NCALD: variants seen among roughly 807,000 people sequenced by gnomAD.
NCALD encodes neurocalcin delta.
A neutral mutation model predicts 18.6 loss-of-function variants in NCALD; 10 were observed. The ratio of observed to expected loss-of-function variants is 0.54; its 90% CI spans 0.33 to 0.91. The LOEUF is 0.91. Ranked by LOEUF, NCALD falls within the 40% of genes least tolerant of loss-of-function variation. The pLI is 0.03. For missense variants in NCALD, 184 were observed against 247.6 expected, an observed-to-expected ratio of 0.74 and a Z score of 1.72; for synonymous variants, 88 against 87.4, an observed-to-expected ratio of 1.01 and a Z score of -0.04.
intron 1 of NCALD, among the ~76,000 whole-genome samples, chr8:101,762,273 G>C (rs2130840665): frequency 6.6e-6 from 1 of 152,042 alleles, no homozygotes; most frequent in East Asian, 1.9e-4. Flanking sequence ...CAAAGATCTA[G>C]CTAATAAAAA....
At chr8:101,876,313 G>C (rs1157483953) in intron 4 of NCALD, among the ~76,000 whole-genome samples, 1 of 152,214 alleles carries the variant, frequency 6.6e-6, no homozygotes, top group East Asian at 1.9e-4. Context: ...TCAAAGTGCT[G>C]TCTTTTCATT....
intron 2 of NCALD, among the ~76,000 whole-genome samples, chr8:101,954,846 T>C (rs1819562081): frequency 1.3e-5 from 2 of 152,248 alleles, no homozygotes; most frequent in Admixed American, 6.5e-5. Flanking sequence ...AGAATCATAA[T>C]ATTTTCATGA....
intron 1 of NCALD, among the ~76,000 whole-genome samples, chr8:102,088,475 T>C (rs1028859961): frequency 1.3e-5 from 2 of 151,972 alleles, no homozygotes; most frequent in Admixed American, 1.3e-4. Context: ...GTCAGCTTAA[T>C]TAAAAGTGGG....
At chr8:101,901,206 A>G (rs920588494) in intron 3 of NCALD, among the ~76,000 whole-genome samples, 1 of 151,114 alleles carries the variant, frequency 6.6e-6, no homozygotes, top group Non-Finnish European at 1.5e-5. Context: ...ACATTTTTTC[A>G]TTCTGTAATT....
chr8:101,855,410 G>C (rs1815272977), intron 4 of NCALD, among the ~76,000 whole-genome samples: 1 of 152,124 alleles, frequency 6.6e-6, no homozygotes, highest in African/African-American at 2.4e-5. Context: ...AGAATGTTGA[G>C]TGCACATCTA....
At chr8:102,111,412 A>ATGTGTG (rs57126471) in intron 1 of NCALD, among the ~76,000 whole-genome samples, 31,845 of 147,550 alleles carry the variant, frequency 0.22, 3,562 homozygotes, top group East Asian at 0.3. Context: ...GTCTAAAGAG[A>ATGTGTG]TGTGTGTGTG....
At chr8:102,040,678 C>G (rs1021032848) in intron 1 of NCALD, among the ~76,000 whole-genome samples, 1 of 142,526 alleles carries the variant, frequency 7.0e-6, no homozygotes, top group African/African-American at 2.7e-5. Flanking sequence ...CTGGGATGAG[C>G]AGAACTATGG....
chr8:102,040,674 T>G (rs1444608960), intron 1 of NCALD, among the ~76,000 whole-genome samples: 4 of 146,340 alleles, frequency 2.7e-5, no homozygotes, highest in Non-Finnish European at 6.0e-5. Flanking sequence ...GATCCTGGGA[T>G]GAGCAGAACT....
chr8:101,809,766 A>C (rs576643782), intron 4 of NCALD, among the ~76,000 whole-genome samples: 1 of 152,212 alleles, frequency 6.6e-6, no homozygotes, highest in African/African-American at 2.4e-5. Flanking sequence ...ACTGGTCTTG[A>C]ACTCCTGATC....
chr8:101,991,474 G>T (rs1002650573), intron 2 of NCALD, among the ~76,000 whole-genome samples: 1 of 152,094 alleles, frequency 6.6e-6, no homozygotes, highest in African/African-American at 2.4e-5. Flanking sequence ...AATGAAATTT[G>T]GGGAGGAAGA....
intron 3 of NCALD, chr8:101,692,511 T>A: frequency 1.0e-6 from 1 of 985,470 alleles, no homozygotes; most frequent in African/African-American, 1.7e-5. Context: ...CAATGGTTTC[T>A]TGGTTCCTTT....
At chr8:101,879,421 A>G (rs369788646) in intron 4 of NCALD, among the ~76,000 whole-genome samples, 2 of 151,790 alleles carry the variant, frequency 1.3e-5, no homozygotes, top group African/African-American at 4.8e-5. Flanking sequence ...CATTTCTCCC[A>G]GTGGCTTCGT....
chr8:101,948,869 T>C (rs577960927), intron 2 of NCALD, among the ~76,000 whole-genome samples: 135 of 152,264 alleles, frequency 8.9e-4, no homozygotes, highest in Middle Eastern at 3.4e-3. Context: ...GTTTCCCTCA[T>C]TTTAAAATGG....
At chr8:101,834,963 T>C (rs983521064) in intron 4 of NCALD, among the ~76,000 whole-genome samples, 1 of 152,236 alleles carries the variant, frequency 6.6e-6, no homozygotes, top group African/African-American at 2.4e-5. Flanking sequence ...GCTCCCTATC[T>C]GTGTGGTCTT....
At chr8:101,901,422 CT>C (rs1817417330) in intron 3 of NCALD, among the ~76,000 whole-genome samples, 1 of 151,622 alleles carries the variant, frequency 6.6e-6, no homozygotes, top group Non-Finnish European at 1.5e-5. Flanking sequence ...TTGTTCTCTA[CT>C]TTTTTTCCTT....
At chr8:101,858,753 G>A (rs1412400939) in intron 4 of NCALD, among the ~76,000 whole-genome samples, 21 of 152,100 alleles carry the variant, frequency 1.4e-4, no homozygotes, top group Admixed American at 1.2e-3. Flanking sequence ...ATAGCCCCAC[G>A]GAGAATCCCA....
chr8:101,718,507 A>C (rs1381154131), intron 2 of NCALD, among the ~76,000 whole-genome samples: 1 of 152,030 alleles, frequency 6.6e-6, no homozygotes, highest in East Asian at 1.9e-4. Flanking sequence ...GGGAGTGTTG[A>C]TTTCATCAGC....
intron 1 of NCALD, among the ~76,000 whole-genome samples, chr8:102,053,531 C>T (rs1449692383): frequency 1.3e-5 from 2 of 152,172 alleles, no homozygotes; most frequent in Admixed American, 1.3e-4. Context: ...TGTGAGGCCA[C>T]TCATTGTTAT....
chr8:101,872,791 T>C (rs549191734), intron 4 of NCALD, among the ~76,000 whole-genome samples: 159 of 152,296 alleles, frequency 1.0e-3, no homozygotes, highest in African/African-American at 3.7e-3. Context: ...ATGCCAAAAC[T>C]ATATGTCATG....
Sources: allele counts gnomAD v4.1 joint callset (sites outside exome capture counted in the v4.1 genomes callset), GRCh38; gene constraint gnomAD v4.1.1; transcripts MANE v1.5; gene names NCBI Gene and HGNC (gene_info 2026-07-23, HGNC 2026-07-21).